BIRC6: variants seen among roughly 807,000 people sequenced by gnomAD.
BIRC6 encodes the protein dual E2 ubiquitin-conjugating enzyme/E3 ubiquitin-protein ligase BIRC6.
A neutral mutation model predicts 503.3 loss-of-function variants in BIRC6; 98 were observed. The observed-to-expected ratio is 0.19, with a 90% CI of 0.17 to 0.23. The LOEUF (loss-of-function observed/expected upper bound fraction) is 0.23, where lower values mean the gene tolerates loss of function less well. BIRC6 is among the 10% of genes least tolerant of loss of function. The pLI is 1.00. For missense variants in BIRC6, 5,360 were observed against 5,806.0 expected (o/e 0.92, Z 2.50); for synonymous variants, 2,240 against 2,078.7 (o/e 1.08, Z -2.11).
chr2:32,599,843 A>G lies in BIRC6; in HGVS notation c.13935A>G (p.Leu4645=). Residue 4645 remains leucine, a synonymous_variant, in exon 70 of 74, where the codon CTA becomes CTG. Transcript: ENST00000421745. ...CCAGTTCACCCCCTCTTGTGAATCT[A>G]GAGACAACTGGTGGTCATAGCGTGC... The part of the protein sequence containing the change: ...DYPSSPPLVN[L]ETTGGHSVRF... 2 of 1,613,916 alleles carry G rather than the reference A, an allele frequency of 1.2e-6. No individual in the cohort carries two copies. Among genetic ancestry groups the G allele is most frequent in the East Asian group, 2.2e-5 (1 of 44,872 alleles).
At chr2:32,522,718 T>G (rs2055857937) in intron 57 of BIRC6, 1 of 152,132 alleles carries the variant, frequency 6.6e-6, no homozygotes, top group South Asian at 2.1e-4. Flanking sequence ...ACAAAGCATT[T>G]TATTCCCTGA....
chr2:32,449,402 C>T (rs944572605), intron 22 of BIRC6, among the ~76,000 whole-genome samples: 2 of 152,116 alleles, frequency 1.3e-5, no homozygotes, highest in East Asian at 1.9e-4. Context: ...GTATACATTA[C>T]GTATATCCTT....
At chr2:32,438,211 A>G (rs530237009) in intron 15 of BIRC6, among the ~76,000 whole-genome samples, 1 of 152,226 alleles carries the variant, frequency 6.6e-6, no homozygotes, top group Non-Finnish European at 1.5e-5. Flanking sequence ...AGCATCTTTG[A>G]AACTGAATAA....
chr2:32,515,177 C>T lies in BIRC6; in HGVS notation c.10756C>T (p.Gln3586Ter). 1.2e-6 allele frequency: 2 copies of T among 1,613,938 alleles called. No homozygotes were observed. Among genetic ancestry groups the T allele is most frequent in the African/African-American group, 1.3e-5 (1 of 75,050 alleles). Residue 3586 changes from glutamine (Q) to a stop codon, truncating the protein, a stop_gained, in exon 55 of 74, where the codon CAG becomes TAG. Transcript: ENST00000421745. LOFTEE classifies it high-confidence loss of function. ...GTCCATGACAGATGATAGCAAAAAG[C>T]AGGATCTTAGTTCATCTTTAACAGA... is the stretch of plus-strand genomic sequence containing the variant. ...RLSMTDDSKK[Q>*]DLSSSLTDDS...
At chr2:32,590,761 C>G (rs575110078) in intron 66 of BIRC6, 1 of 977,414 alleles carries the variant, frequency 1.0e-6, no homozygotes, top group South Asian at 4.7e-5. Flanking sequence ...GCAGATAATT[C>G]TGTGCAATAG....
At chr2:32,503,008 G>T (rs768421682) in intron 48 of BIRC6, 34 bp from the exon 49 acceptor site, 1 of 1,536,676 alleles carries the variant, frequency 6.5e-7, no homozygotes, top group Admixed American at 2.1e-5. Context: ...TCTGTCCTGA[G>T]ATCGATTTCA....
chr2:32,432,475 G>T (rs568723838), intron 12 of BIRC6, among the ~76,000 whole-genome samples: 2 of 152,118 alleles, frequency 1.3e-5, no homozygotes, highest in East Asian at 3.9e-4. Context: ...CTTTATAAAA[G>T]GTCAGGCATG....
chr2:32,418,727 A>G (rs2042633525), intron 10 of BIRC6, among the ~76,000 whole-genome samples: 1 of 152,128 alleles, frequency 6.6e-6, no homozygotes, highest in Non-Finnish European at 1.5e-5. Flanking sequence ...GCTTTAGGTA[A>G]CTCAGAAGAG....
At chr2:32,435,395 A>G (rs1240814281) in intron 13 of BIRC6, 101 bp from the exon 14 acceptor site, 1 of 1,252,516 alleles carries the variant, frequency 8.0e-7, no homozygotes, top group African/African-American at 1.5e-5. Context: ...TAGATTTTTC[A>G]GGCACATAAA....
chr2:32,473,742 TGTGTGTGTA>T (rs1173122771), intron 33 of BIRC6, among the ~76,000 whole-genome samples: 13 of 141,104 alleles, frequency 9.2e-5, no homozygotes, highest in East Asian at 2.0e-4. Flanking sequence ...TGTGTGTGTG[TGTGTGTGTA>T]TTTTTTTTTT....
chr2:32,544,763 C>G, intron 62 of BIRC6, among the ~76,000 whole-genome samples: 1 of 150,856 alleles, frequency 6.6e-6, no homozygotes, highest in East Asian at 1.9e-4. Flanking sequence ...CAACAAAAAT[C>G]CCTCATAAAT....
intron 5 of BIRC6, among the ~76,000 whole-genome samples, chr2:32,393,240 A>AG (rs1461799721): frequency 2.6e-5 from 4 of 152,152 alleles, no homozygotes; most frequent in Admixed American, 2.6e-4. Context: ...GAATTAGTCA[A>AG]GAAAAACAGT....
intron 72 of BIRC6, 119 bp downstream of exon 72, chr2:32,607,762 C>T: frequency 1.3e-6 from 1 of 757,286 alleles, no homozygotes; most frequent in East Asian, 2.9e-5. Context: ...TGGATCACTT[C>T]AGGTCAGGAG....
At chr2:32,480,606 A>G (rs2050274595) in intron 37 of BIRC6, among the ~76,000 whole-genome samples, 1 of 146,492 alleles carries the variant, frequency 6.8e-6, no homozygotes, top group South Asian at 2.2e-4. Flanking sequence ...CATAACAGAA[A>G]AATAAGGTAA....
chr2:32,584,386 T>C (rs1352476180), intron 66 of BIRC6, among the ~76,000 whole-genome samples: 1 of 151,936 alleles, frequency 6.6e-6, no homozygotes, highest in Non-Finnish European at 1.5e-5. Flanking sequence ...AAAAATTAGC[T>C]GCGTGTGGTG....
At chr2:32,536,353 T>G (rs768835176) in intron 61 of BIRC6, among the ~76,000 whole-genome samples, 45 of 152,342 alleles carry the variant, frequency 3.0e-4, no homozygotes, top group Middle Eastern at 6.8e-3. Flanking sequence ...GCCATTGCTT[T>G]TGGTGTTTTA....
chr2:32,501,833 A>G lies in BIRC6; in HGVS notation c.9152A>G (p.His3051Arg). ...CTTAGTAAAAAAGCTTCTACAGTCC[A>G]CATGATGCTGCAGCCAATTTTAACA... Reference protein sequence around the residue: ...TTLSKKASTVHMMLQPILTYM... With the variant: ...TTLSKKASTVRMMLQPILTYM... The change falls in exon 47 of 74, where the codon CAC becomes CGC. Residue 3051 changes from histidine (H) to arginine (R), a missense_variant. Physicochemically the swap from His to Arg is conservative, Grantham distance 29. Coordinates refer to ENST00000421745, the MANE Select transcript of BIRC6 (RefSeq NM_016252.4). 6.2e-7 allele frequency: 1 copy of G among 1,613,870 alleles called. No homozygotes were observed. The highest frequency in any genetic ancestry group is 1.3e-5 in the African/African-American group (1 of 75,046).
intron 67 of BIRC6, among the ~76,000 whole-genome samples, chr2:32,594,807 A>G (rs1421111517): frequency 6.6e-6 from 1 of 152,162 alleles, no homozygotes; most frequent in Non-Finnish European, 1.5e-5. Flanking sequence ...TCCTCTTTTC[A>G]TAAAGATGAT....
chr2:32,364,001 A>C (rs1409541157), intron 1 of BIRC6, among the ~76,000 whole-genome samples: 1 of 152,236 alleles, frequency 6.6e-6, no homozygotes, highest in African/African-American at 2.4e-5. Context: ...GTTTGGATAA[A>C]TATCTTTTAG....
Sources: allele counts gnomAD v4.1 joint callset (sites outside exome capture counted in the v4.1 genomes callset), GRCh38; gene constraint gnomAD v4.1.1; transcripts MANE v1.5; gene names NCBI Gene and HGNC (gene_info 2026-07-23, HGNC 2026-07-21).